TNFRSF21: variants seen among roughly 807,000 people sequenced by gnomAD.
TNFRSF21 encodes tumor necrosis factor receptor superfamily member 21.
A neutral mutation model predicts 45.6 loss-of-function variants in TNFRSF21; 19 were observed. The observed-to-expected ratio is 0.42, with a 90% CI of 0.29 to 0.61. TNFRSF21 has a LOEUF of 0.61. Ranked by LOEUF, TNFRSF21 falls within the 20% of genes least tolerant of loss-of-function variation. The pLI is 0.23. For synonymous variants in TNFRSF21, 314 were observed against 335.5 expected, an observed-to-expected ratio of 0.94 and a Z score of 0.70; for missense variants, 737 against 851.5, an observed-to-expected ratio of 0.87 and a Z score of 1.67.
Position 47,269,863 on chromosome 6 carries a change from C to T in TNFRSF21, c.1243+14075G>A, listed in dbSNP as rs143471805. 7.3e-4 allele frequency among the ~76,000 whole-genome samples: 111 copies of T among 152,314 alleles called. 2 individuals are homozygous for T. Among genetic ancestry groups the T allele is most frequent in the Non-Finnish European group, 2.9e-5 (2 of 68,026 alleles). Reference sequence around the variant, plus strand: ...CCCTGGAAAGCCACCTTCTTCCCAGCAGAGCACTTAGCCTATAACCTGCAT... The same window carrying T: ...CCCTGGAAAGCCACCTTCTTCCCAGTAGAGCACTTAGCCTATAACCTGCAT... On this transcript the variant is annotated intron_variant, in intron 3 of 5. Coordinates refer to ENST00000296861, the MANE Select transcript of TNFRSF21 (RefSeq NM_014452.5).
At chr6:47,264,853 G>A (rs767744290) in intron 3 of TNFRSF21, among the ~76,000 whole-genome samples, 8 of 152,162 alleles carry the variant, frequency 5.3e-5, no homozygotes, top group Non-Finnish European at 7.3e-5. Context: ...AAATGACTGC[G>A]GCTGTCAGCC....
At chr6:47,245,625 A>G (rs1270577601) in intron 4 of TNFRSF21, among the ~76,000 whole-genome samples, 1 of 152,034 alleles carries the variant, frequency 6.6e-6, no homozygotes, top group Non-Finnish European at 1.5e-5. Flanking sequence ...CATCTCTGAA[A>G]TAGAGGTGTC....
At chr6:47,254,509 A>T (rs552365534) in intron 3 of TNFRSF21, among the ~76,000 whole-genome samples, 4 of 152,328 alleles carry the variant, frequency 2.6e-5, no homozygotes, top group South Asian at 4.1e-4. Context: ...CCCATCTAAA[A>T]ACATGGTGAC....
At chr6:47,276,160 C>A (rs1385208272) in intron 3 of TNFRSF21, among the ~76,000 whole-genome samples, 1 of 152,216 alleles carries the variant, frequency 6.6e-6, no homozygotes, top group Non-Finnish European at 1.5e-5. Context: ...CTCCTCTCTT[C>A]TCTATGGCTC....
intron 1 of TNFRSF21, among the ~76,000 whole-genome samples, chr6:47,291,820 C>T (rs1278440987): frequency 6.6e-6 from 1 of 152,224 alleles, no homozygotes; most frequent in Non-Finnish European, 1.5e-5. Flanking sequence ...AAACAGTTAA[C>T]CCAATCTGTG....
At chr6:47,274,529 A>C (rs1351541441) in intron 3 of TNFRSF21, among the ~76,000 whole-genome samples, 1 of 152,254 alleles carries the variant, frequency 6.6e-6, no homozygotes, top group Non-Finnish European at 1.5e-5. Flanking sequence ...TAAAACCATA[A>C]AAACTCTAGA....
At chr6:47,234,270 C>G (rs1764629321) in intron 5 of TNFRSF21, among the ~76,000 whole-genome samples, 1 of 152,302 alleles carries the variant, frequency 6.6e-6, no homozygotes. Flanking sequence ...AGCTGCTGCG[C>G]ACGGCCTAAA....
intron 4 of TNFRSF21, among the ~76,000 whole-genome samples, chr6:47,245,457 TTTGTG>T (rs1561939017): frequency 6.0e-4 from 75 of 124,372 alleles, no homozygotes; most frequent in African/African-American, 3.0e-3. Context: ...TGTGTGTGTG[TTTGTG>T]TGTGTGTGTG....
intron 5 of TNFRSF21, among the ~76,000 whole-genome samples, 199 bp from the exon 6 acceptor site, chr6:47,233,193 G>A (rs572861971): frequency 2.6e-5 from 4 of 152,278 alleles, no homozygotes; most frequent in African/African-American, 7.2e-5. Context: ...TGTGTTGCAC[G>A]TGTAAGATAG....
At chr6:47,291,469 G>A (rs946685189) in intron 1 of TNFRSF21, among the ~76,000 whole-genome samples, 6 of 152,214 alleles carry the variant, frequency 3.9e-5, no homozygotes, top group African/African-American at 1.4e-4. Context: ...TAGGGTGGCG[G>A]ATGCGGAAAT....
At chr6:47,305,504 A>C (rs1280406657) in intron 1 of TNFRSF21, among the ~76,000 whole-genome samples, 1 of 152,176 alleles carries the variant, frequency 6.6e-6, no homozygotes, top group African/African-American at 2.4e-5. Context: ...TTCTGCTCGA[A>C]TTTGCCACCA....
chr6:47,270,321 C>G (rs1762396546), intron 3 of TNFRSF21, among the ~76,000 whole-genome samples: 1 of 152,194 alleles, frequency 6.6e-6, no homozygotes, highest in Non-Finnish European at 1.5e-5. Context: ...ATTTGCTGTT[C>G]TGCAATATTT....
chr6:47,246,530 T>C (rs747386532), intron 4 of TNFRSF21, among the ~76,000 whole-genome samples: 1 of 152,196 alleles, frequency 6.6e-6, no homozygotes, highest in Non-Finnish European at 1.5e-5. Flanking sequence ...AATTTGTCAG[T>C]TCCTTCTAGT....
At chr6:47,246,223 A>G (rs1481514979) in intron 4 of TNFRSF21, among the ~76,000 whole-genome samples, 1 of 152,238 alleles carries the variant, frequency 6.6e-6, no homozygotes, top group Non-Finnish European at 1.5e-5. Flanking sequence ...ATATTTAGCA[A>G]ATGCTGATTT....
chr6:47,272,467 T>C (rs951514745), intron 3 of TNFRSF21, among the ~76,000 whole-genome samples: 1 of 152,102 alleles, frequency 6.6e-6, no homozygotes, highest in African/African-American at 2.4e-5. Flanking sequence ...TTGAAACCAA[T>C]GAGAACAAAG....
At chr6:47,276,912 A>C (rs1762506730) in intron 3 of TNFRSF21, among the ~76,000 whole-genome samples, 2 of 152,294 alleles carry the variant, frequency 1.3e-5, no homozygotes, top group South Asian at 4.1e-4. Context: ...TCTGGTATGG[A>C]GGGAAACCCA....
chr6:47,239,013 G>A (rs918303448), intron 4 of TNFRSF21, among the ~76,000 whole-genome samples: 16 of 152,120 alleles, frequency 1.1e-4, no homozygotes, highest in African/African-American at 2.2e-4. Flanking sequence ...GAGGCTGGGC[G>A]CAGTGGCTTA....
chr6:47,253,266 T>A lies in TNFRSF21; in HGVS notation c.1499A>T (p.Asp500Val). ...VVEKIRGLME[D>V]TTQLETDKLA... is the part of the protein sequence containing the mutation. ...CAAGGGCTCCATTACCTGGGTGGTG[T>A]CTTCCATCAGCCCACGAATCTTCTC... Residue 500 changes from aspartate to valine, a missense_variant, in exon 4 of 6, where the codon GAC (aspartate) becomes GTC (valine). Physicochemically the swap from Asp to Val is radical, Grantham distance 152 (BLOSUM62 -3). Transcript: ENST00000296861. The A allele has an allele frequency of 6.2e-7, 1 of 1,612,860 alleles. No individual in the cohort carries two copies. The highest frequency in any genetic ancestry group is 8.5e-7 in the Non-Finnish European group (1 of 1,179,254).
intron 4 of TNFRSF21, among the ~76,000 whole-genome samples, chr6:47,242,910 C>A (rs1419879227): frequency 6.6e-6 from 1 of 152,182 alleles, no homozygotes; most frequent in African/African-American, 2.4e-5. Flanking sequence ...ATTGGAAAAT[C>A]TTTCCCACAA....
Sources: allele counts gnomAD v4.1 joint callset (sites outside exome capture counted in the v4.1 genomes callset), GRCh38; gene constraint gnomAD v4.1.1; transcripts MANE v1.5; gene names NCBI Gene and HGNC (gene_info 2026-07-23, HGNC 2026-07-21).